Variants in ASIC2 observed in about 807,000 individuals in gnomAD.
ASIC2 encodes acid-sensing ion channel 2.
A neutral mutation model predicts 57.3 loss-of-function variants in ASIC2; 25 were observed. That is an observed-to-expected ratio of 0.44 (90% confidence interval 0.32 to 0.61). The LOEUF (loss-of-function observed/expected upper bound fraction) is 0.61, where lower values mean the gene tolerates loss of function less well. ASIC2 is among the 20% of genes least tolerant of loss of function. The pLI, the probability that ASIC2 is intolerant of heterozygous loss-of-function variation, is 0.06. For synonymous variants in ASIC2, 319 were observed against 307.5 expected (o/e 1.04, Z -0.39); for missense variants, 641 against 738.1 (o/e 0.87, Z 1.52).
intron 1 of ASIC2, among the ~76,000 whole-genome samples, chr17:33,356,452 G>A (rs1360469213): frequency 6.6e-6 from 1 of 152,108 alleles, no homozygotes; most frequent in Non-Finnish European, 1.5e-5. Flanking sequence ...CATTCATGCT[G>A]GGCGGACATT....
chr17:33,122,791 C>T (rs1175319281), intron 1 of ASIC2, among the ~76,000 whole-genome samples: 1 of 152,198 alleles, frequency 6.6e-6, no homozygotes, highest in Non-Finnish European at 1.5e-5. Flanking sequence ...TGAAACTTTG[C>T]ACCCTTTGAT....
intron 1 of ASIC2, among the ~76,000 whole-genome samples, chr17:33,652,219 G>A (rs1055543069): frequency 6.6e-6 from 1 of 152,192 alleles, no homozygotes; most frequent in Admixed American, 6.5e-5. Context: ...CTTTCTGTAA[G>A]TGCCCCAGGT....
intron 1 of ASIC2, among the ~76,000 whole-genome samples, chr17:33,130,520 T>G (rs1311353700): frequency 6.6e-6 from 1 of 152,238 alleles, no homozygotes; most frequent in East Asian, 1.9e-4. Context: ...GTCAGTTGAA[T>G]GGGCTACATT....
intron 1 of ASIC2, among the ~76,000 whole-genome samples, chr17:33,324,139 A>G (rs1906974554): frequency 6.6e-6 from 1 of 152,210 alleles, no homozygotes; most frequent in African/African-American, 2.4e-5. Context: ...ACCATCTCTC[A>G]CAGAGAAAAT....
chr17:33,672,490 G>A (rs1907670479), intron 1 of ASIC2, among the ~76,000 whole-genome samples: 1 of 151,268 alleles, frequency 6.6e-6, no homozygotes, highest in Non-Finnish European at 1.5e-5. Flanking sequence ...GAGATTTTTT[G>A]CAAGGCTTGG....
At chr17:33,315,102 T>C (rs1453563679) in intron 1 of ASIC2, among the ~76,000 whole-genome samples, 2 of 152,216 alleles carry the variant, frequency 1.3e-5, no homozygotes, top group Non-Finnish European at 2.9e-5. Context: ...ACTCTGAGCT[T>C]CAGTCTTCTC....
At chr17:33,212,412 C>T (rs423586) in intron 1 of ASIC2, among the ~76,000 whole-genome samples, 106,580 of 151,962 alleles carry the variant, frequency 0.7, 37,650 homozygotes, top group Non-Finnish European at 0.75. Flanking sequence ...CCCTAGAAGC[C>T]GGAAGAGGAA....
At chr17:33,788,795 A>G (rs1911680701) in intron 1 of ASIC2, among the ~76,000 whole-genome samples, 1 of 152,124 alleles carries the variant, frequency 6.6e-6, no homozygotes, top group Non-Finnish European at 1.5e-5. Flanking sequence ...GCAAACTAAC[A>G]CAGGAACAGA....
intron 1 of ASIC2, among the ~76,000 whole-genome samples, chr17:33,182,265 C>T (rs8067161): frequency 0.11 from 17,284 of 152,056 alleles, 1,335 homozygotes; most frequent in African/African-American, 0.2. Flanking sequence ...TTGTAAAAAA[C>T]AAGAATCAGG....
rs796648130 is a variant in ASIC2 at position 33,261,454 on chromosome 17, T to G, written c.708+29954A>C. Among the ~76,000 whole-genome samples the G allele has an allele frequency of 9.8e-5, 15 of 152,324 alleles. 1 individual carries two copies. The highest frequency in any genetic ancestry group is 3.4e-4 in the African/African-American group (14 of 41,582). ...GGGAAACTGCAAGGAAGCACGGAAC[T>G]ATGCTTTGTCATGGGCCTCTGGTGA... On this transcript the variant is annotated intron_variant, in intron 1 of 9. Coordinates refer to ENST00000225823, the MANE Select transcript of ASIC2 (RefSeq NM_183377.2).
chr17:34,081,228 A>G (rs771628102), intron 1 of ASIC2, among the ~76,000 whole-genome samples: 6 of 152,298 alleles, frequency 3.9e-5, no homozygotes, highest in Middle Eastern at 3.4e-3. Flanking sequence ...TACCATTAAC[A>G]AACTCCACAT....
At chr17:33,780,692 C>T (rs1597873287) in intron 1 of ASIC2, among the ~76,000 whole-genome samples, 1 of 152,292 alleles carries the variant, frequency 6.6e-6, no homozygotes, top group South Asian at 2.1e-4. Flanking sequence ...ATGTGGCGGG[C>T]ACTGTCCCCA....
At chr17:33,417,857 G>A (rs1020332077) in intron 1 of ASIC2, among the ~76,000 whole-genome samples, 1 of 152,156 alleles carries the variant, frequency 6.6e-6, no homozygotes, top group Non-Finnish European at 1.5e-5. Context: ...TTGCTGTCTG[G>A]CTGCTGTGAA....
intron 1 of ASIC2, among the ~76,000 whole-genome samples, chr17:33,416,382 G>T (rs1273732407): frequency 1.3e-5 from 2 of 152,150 alleles, no homozygotes; most frequent in African/African-American, 2.4e-5. Context: ...GCACTCCAGG[G>T]TCCTTGCCAG....
intron 1 of ASIC2, among the ~76,000 whole-genome samples, chr17:33,875,911 G>A (rs1316214806): frequency 6.6e-6 from 1 of 151,864 alleles, no homozygotes; most frequent in East Asian, 1.9e-4. Flanking sequence ...AAAGAGCAGT[G>A]AAATTTTATT....
intron 1 of ASIC2, among the ~76,000 whole-genome samples, chr17:33,991,983 T>C (rs993295433): frequency 7.9e-5 from 12 of 152,146 alleles, no homozygotes; most frequent in Non-Finnish European, 1.0e-4. Flanking sequence ...ATCTTTAAGA[T>C]TGGCCCAGTA....
chr17:33,897,577 T>A (rs1915126311), intron 1 of ASIC2, among the ~76,000 whole-genome samples: 1 of 152,264 alleles, frequency 6.6e-6, no homozygotes, highest in Non-Finnish European at 1.5e-5. Context: ...CAACTTACAA[T>A]ATGCAAAAGC....
chr17:33,148,786 A>C (rs907242353), intron 1 of ASIC2, among the ~76,000 whole-genome samples: 1 of 152,230 alleles, frequency 6.6e-6, no homozygotes, highest in Non-Finnish European at 1.5e-5. Context: ...AGAAATAAAA[A>C]GTTGTTATAA....
At position 33,339,805 on chromosome 17, in the gene ASIC2, T is replaced by C. The variant is rs553562824; in HGVS notation, c.556-227738A>G. Among the ~76,000 whole-genome samples, 51 of 152,318 alleles carry C rather than the reference T, an allele frequency of 3.3e-4. 2 individuals are homozygous for C. Among genetic ancestry groups the C allele is most frequent in the African/African-American group, 1.1e-3 (45 of 41,574 alleles). On this transcript the variant is annotated intron_variant, in intron 1 of 9. Transcript: ENST00000359872. ...CTGTACCACTTTGACATCTTTTTAG[T>C]TGCAGCAAAAAGAGATAAAACCAGA... is the stretch of plus-strand genomic sequence containing the variant.
Sources: allele counts gnomAD v4.1 joint callset (sites outside exome capture counted in the v4.1 genomes callset), GRCh38; gene constraint gnomAD v4.1.1; transcripts MANE v1.5; gene names NCBI Gene and HGNC (gene_info 2026-07-23, HGNC 2026-07-21).